Variants in TAMM41 observed in about 807,000 individuals in gnomAD.
TAMM41 encodes the protein phosphatidate cytidylyltransferase, mitochondrial.
A neutral mutation model predicts 44.1 loss-of-function variants in TAMM41; 36 were observed. The observed-to-expected ratio is 0.82, with a 90% CI of 0.63 to 1.08. TAMM41 has a LOEUF of 1.08. TAMM41 is among the 50% of genes least tolerant of loss of function. TAMM41 has a pLI of 0.00. For missense variants in TAMM41, 417 were observed against 404.3 expected, an observed-to-expected ratio of 1.03 and a Z score of -0.27; for synonymous variants, 164 against 153.1, an observed-to-expected ratio of 1.07 and a Z score of -0.53.
At chr3:11,809,876 A>AAGGACAATT in intron 5 of TAMM41, 194 bp from the exon 6 acceptor site, 1 of 504,798 alleles carries the variant, frequency 2.0e-6, no homozygotes, top group African/African-American at 2.0e-5. Context: ...TCCCTTCAAA[A>AAGGACAATT]AGGACAATTC....
At chr3:11,822,689 G>T (rs1267203633) in intron 4 of TAMM41, among the ~76,000 whole-genome samples, 1 of 152,128 alleles carries the variant, frequency 6.6e-6, no homozygotes, top group Non-Finnish European at 1.5e-5. Context: ...GTTTTCAAGG[G>T]TCATCACACT....
At chr3:11,794,621 C>T (rs10510407) in intron 7 of TAMM41, among the ~76,000 whole-genome samples, 17,730 of 152,162 alleles carry the variant, frequency 0.12, 2,227 homozygotes, top group East Asian at 0.48. Context: ...GTTTTAGAAG[C>T]ATGCAGAAAG....
the TAMM41 span, among the ~76,000 whole-genome samples, chr3:11,755,464 T>C: frequency 2.0e-5 from 3 of 152,060 alleles, no homozygotes; most frequent in African/African-American, 4.8e-5. Flanking sequence ...TGAGGGACCG[T>C]GGGAGGATGG....
At position 11,805,844 on chromosome 3, in the gene TAMM41, A is replaced by G. The variant is rs530155377; in HGVS notation, c.937+1989T>C. ...CCTCTGCAAGTCAGTATAGCATTTG[A>G]TATGGTTTGGCTCTGTGTTCCCACC... On this transcript the variant is annotated intron_variant, in intron 7 of 7. Coordinates refer to ENST00000455809, the MANE Select transcript of TAMM41 (RefSeq NM_001284401.2). 4.6e-5 allele frequency among the ~76,000 whole-genome samples: 7 copies of G among 152,328 alleles called. No homozygotes were observed. The South Asian group carries it at 6.2e-4, about 14-fold the overall frequency.
chr3:11,784,851 G>A, the TAMM41 span, among the ~76,000 whole-genome samples: 5 of 147,780 alleles, frequency 3.4e-5, no homozygotes. Flanking sequence ...CCCCCAGGGT[G>A]GAGTGCAGTG....
chr3:11,759,956 A>G, the TAMM41 span, among the ~76,000 whole-genome samples: 10 of 144,724 alleles, frequency 6.9e-5, no homozygotes, highest in Admixed American at 2.9e-4. Flanking sequence ...CCTGGGGGAC[A>G]AGAATGAAAC....
chr3:11,823,737 T>G (rs1479491336), intron 4 of TAMM41, among the ~76,000 whole-genome samples: 1 of 148,982 alleles, frequency 6.7e-6, no homozygotes, highest in Non-Finnish European at 1.5e-5. Context: ...CTCAGCTCAC[T>G]GCAACCTCTG....
chr3:11,744,552 A>G, the TAMM41 span, among the ~76,000 whole-genome samples: 9 of 151,856 alleles, frequency 5.9e-5, no homozygotes, highest in Non-Finnish European at 1.3e-4. Flanking sequence ...AAAATTAGCC[A>G]GGCATGGTGG....
At chr3:11,834,337 A>C (rs1180337045) in intron 3 of TAMM41, among the ~76,000 whole-genome samples, 1 of 152,244 alleles carries the variant, frequency 6.6e-6, no homozygotes. Flanking sequence ...TGGCAAAAAA[A>C]CCACTGCATG....
downstream of TAMM41, among the ~76,000 whole-genome samples, chr3:11,787,473 T>C (rs1029170680): frequency 2.0e-5 from 3 of 152,172 alleles, no homozygotes; most frequent in African/African-American, 7.2e-5. Flanking sequence ...ACCCCTTCTT[T>C]TTTGTTTCCC....
chr3:11,817,001 G>A (rs1271492623), intron 5 of TAMM41, 191 bp downstream of exon 5: 2 of 521,812 alleles, frequency 3.8e-6, no homozygotes, highest in African/African-American at 1.9e-5. Context: ...TTCTCCAAAG[G>A]CAGCCTCTTA....
intron 7 of TAMM41, among the ~76,000 whole-genome samples, chr3:11,796,834 T>G (rs183677843): frequency 1.3e-5 from 2 of 152,270 alleles, no homozygotes; most frequent in East Asian, 3.9e-4. Flanking sequence ...AAAATCAATG[T>G]GCAAAAATCA....
At chr3:11,785,770 T>C (rs955685923), downstream of TAMM41, among the ~76,000 whole-genome samples, 4 of 152,194 alleles carry the variant, frequency 2.6e-5, 1 homozygote. Flanking sequence ...TGCGCACCAC[T>C]GCTCCCAGCT....
chr3:11,733,013 T>G, the TAMM41 span, among the ~76,000 whole-genome samples: 4 of 140,258 alleles, frequency 2.9e-5, no homozygotes, highest in Admixed American at 1.4e-4. Flanking sequence ...TGTTTGTTTG[T>G]TTTGAGATGG....
chr3:11,843,092 G>T (rs189930152), intron 2 of TAMM41, among the ~76,000 whole-genome samples: 17 of 152,276 alleles, frequency 1.1e-4, no homozygotes, highest in African/African-American at 3.9e-4. Flanking sequence ...GGCACCAAGA[G>T]GTTCCCGTCT....
At chr3:11,792,330 T>C (rs2077499232) in intron 7 of TAMM41, among the ~76,000 whole-genome samples, 1 of 152,168 alleles carries the variant, frequency 6.6e-6, no homozygotes, top group Non-Finnish European at 1.5e-5. Flanking sequence ...TGGACTCTAG[T>C]TCCAGGTGGG....
At chr3:11,748,531 G>A in the TAMM41 span, among the ~76,000 whole-genome samples, 2 of 151,608 alleles carry the variant, frequency 1.3e-5, no homozygotes, top group Admixed American at 6.6e-5. Flanking sequence ...GGCATGCACC[G>A]CCATGGCTGG....
chr3:11,814,672 G>A (rs1174497460), intron 5 of TAMM41, among the ~76,000 whole-genome samples: 1 of 152,102 alleles, frequency 6.6e-6, no homozygotes, highest in Non-Finnish European at 1.5e-5. Context: ...GATAGAAAAG[G>A]CCCACTGAGG....
chr3:11,839,276 A>G lies in TAMM41; in HGVS notation c.357T>C (p.Ile119=). ...AGTTATTCCAGTTGAGGAGATCTTC[A>G]ATCAGAACGTTAGTGCTAATAACTC... ...KYGVISTNVL[I]EDLLNWNNLY... The change falls in exon 3 of 8, where the codon ATT becomes ATC. Residue 119 remains isoleucine, a synonymous_variant. Transcript: ENST00000455809. The G allele has an allele frequency of 6.2e-7, 1 of 1,613,754 alleles. No individual in the cohort carries two copies. The highest frequency in any genetic ancestry group is 8.5e-7 in the Non-Finnish European group (1 of 1,179,780).
Sources: gnomAD v4.1 joint callset for allele counts (sites outside exome capture counted in the v4.1 genomes callset) on GRCh38, gnomAD v4.1.1 for gene constraint, MANE v1.5 for transcripts, NCBI Gene and HGNC (gene_info 2026-07-23, HGNC 2026-07-21) for gene names.